ENOX1: variants seen among roughly 807,000 people sequenced by gnomAD.
The protein encoded by ENOX1 is candidate growth-related and time keeping constitutive hydroquinone (NADH) oxidase.
A neutral mutation model predicts 82.5 loss-of-function variants in ENOX1; 42 were observed. The ratio of observed to expected loss-of-function variants is 0.51; its 90% confidence interval spans 0.40 to 0.66. The LOEUF is 0.66. Ranked by LOEUF, ENOX1 falls within the 30% of genes least tolerant of loss-of-function variation. ENOX1 has a pLI of 0.00. For synonymous variants in ENOX1, 271 were observed against 282.2 expected (o/e 0.96, Z 0.40); for missense variants, 608 against 811.6 (o/e 0.75, Z 3.05).
chr13:43,450,222 C>A (rs575970452), intron 3 of ENOX1, among the ~76,000 whole-genome samples: 1 of 152,302 alleles, frequency 6.6e-6, no homozygotes, highest in East Asian at 1.9e-4. Context: ...TAGCCGTCCC[C>A]TGCCAGAAAA....
At chr13:43,239,400 C>T (rs192705557) in intron 14 of ENOX1, among the ~76,000 whole-genome samples, 15 of 152,266 alleles carry the variant, frequency 9.9e-5, no homozygotes, top group Non-Finnish European at 1.5e-5. Context: ...CTCTAGGAGG[C>T]AGAAGAACTA....
intron 3 of ENOX1, among the ~76,000 whole-genome samples, chr13:43,429,625 C>A (rs2055541220): frequency 6.6e-6 from 1 of 152,100 alleles, no homozygotes; most frequent in Non-Finnish European, 1.5e-5. Flanking sequence ...TGGCAGGGAT[C>A]TTTTGGATAT....
intron 1 of ENOX1, among the ~76,000 whole-genome samples, chr13:43,780,774 C>T (rs1242558808): frequency 6.6e-6 from 1 of 152,250 alleles, no homozygotes; most frequent in Non-Finnish European, 1.5e-5. Flanking sequence ...CTTACATCCA[C>T]AATGGCTTCT....
chr13:43,691,455 C>T (rs922885293), intron 1 of ENOX1, among the ~76,000 whole-genome samples: 1 of 152,048 alleles, frequency 6.6e-6, no homozygotes, highest in Admixed American at 6.6e-5. Flanking sequence ...TATAAACCCT[C>T]ACAACAATTA....
chr13:43,704,413 T>G (rs1026977953), intron 1 of ENOX1, among the ~76,000 whole-genome samples: 1 of 151,964 alleles, frequency 6.6e-6, no homozygotes, highest in African/African-American at 2.4e-5. Flanking sequence ...TAAAAACAAC[T>G]TTTTGAAGGC....
chr13:43,322,632 C>T lies in ENOX1; in HGVS notation c.1144-131G>A, dbSNP rs567893804. The T allele has an allele frequency of 2.9e-4, 215 of 744,642 alleles. No individual in the cohort carries two copies. The African/African-American group carries it at 3.1e-3, about 11-fold the overall frequency. The allele number at this position is 744,642 out of a possible 1,614,324, so 46.1% of individuals were successfully genotyped here. On this transcript the variant is annotated intron_variant, in intron 10 of 16. Coordinates refer to ENST00000690772, the MANE Select transcript of ENOX1 (RefSeq NM_001347969.2). ...TTTTATCTCCCAAATATAGCCTCAC[C>T]TAACCTAAAGGAGGTTCTGAGGGGT...
intron 1 of ENOX1, among the ~76,000 whole-genome samples, chr13:43,674,855 A>T (rs549065606): frequency 6.6e-6 from 1 of 152,262 alleles, no homozygotes; most frequent in East Asian, 1.9e-4. Flanking sequence ...TATATGGGAA[A>T]TCTCTGTACA....
intron 1 of ENOX1, among the ~76,000 whole-genome samples, chr13:43,759,805 A>C (rs1394380829): frequency 6.6e-6 from 1 of 152,142 alleles, no homozygotes; most frequent in Non-Finnish European, 1.5e-5. Context: ...GCCAGACTAC[A>C]GCATAATCAA....
rs143330953 is a variant in ENOX1 at position 43,363,334 on chromosome 13, T to C, written c.209-1882A>G. Among the ~76,000 whole-genome samples, 8 of 152,270 alleles carry C rather than the reference T, an allele frequency of 5.3e-5. No individual in the cohort carries two copies. The East Asian group carries it at 1.5e-3, about 29-fold the overall frequency. ...GTCTTTGCCTCAGTATTTAAACATG[T>C]ATTAAATGTGACTATTTCAAAGTTT... On this transcript the variant is annotated intron_variant, in intron 5 of 16. Coordinates refer to ENST00000690772, the MANE Select transcript of ENOX1 (RefSeq NM_001347969.2).
In ENOX1 at chr13:43,321,357, C is replaced by A. The variant is rs140710200; in HGVS notation, c.1261+1027G>T. ...AGAACCACACTTTTGAGAACCACTG[C>A]TTTAAAGAAATTAGAGCCCTTTCTC... On this transcript the variant is annotated intron_variant, in intron 11 of 16. Coordinates refer to ENST00000690772, the MANE Select transcript of ENOX1 (RefSeq NM_001347969.2). Among the ~76,000 whole-genome samples the A allele has an allele frequency of 6.0e-3, 913 of 152,312 alleles. 13 individuals are homozygous for A. The highest frequency in any genetic ancestry group is 0.02 in the African/African-American group (837 of 41,560).
At chr13:43,590,591 G>A (rs1034171358) in intron 2 of ENOX1, among the ~76,000 whole-genome samples, 2 of 141,514 alleles carry the variant, frequency 1.4e-5, no homozygotes, top group Admixed American at 7.3e-5. Flanking sequence ...TGGCTAACAT[G>A]GTGAAACCTT....
chr13:43,717,828 C>T (rs1401438045), intron 1 of ENOX1, among the ~76,000 whole-genome samples: 1 of 152,122 alleles, frequency 6.6e-6, no homozygotes, highest in Non-Finnish European at 1.5e-5. Context: ...ATCAAAACTA[C>T]AGTGAGATAC....
intron 2 of ENOX1, among the ~76,000 whole-genome samples, chr13:43,518,802 T>C (rs943010754): frequency 1.3e-5 from 2 of 152,178 alleles, no homozygotes; most frequent in African/African-American, 4.8e-5. Context: ...CTCAATTAGG[T>C]GCTTCAGATA....
intron 10 of ENOX1, among the ~76,000 whole-genome samples, chr13:43,323,568 A>ATAT (rs2047934633): frequency 6.6e-6 from 1 of 152,226 alleles, no homozygotes; most frequent in Non-Finnish European, 1.5e-5. Context: ...ATCAAGCTGT[A>ATAT]TATTACATAT....
At chr13:43,339,660 G>A (rs1035407367) in intron 9 of ENOX1, among the ~76,000 whole-genome samples, 4 of 152,176 alleles carry the variant, frequency 2.6e-5, no homozygotes, top group Admixed American at 6.5e-5. Flanking sequence ...CATGAAGGAC[G>A]GCATTGACAC....
At chr13:43,355,027 G>A (rs919349575) in intron 8 of ENOX1, among the ~76,000 whole-genome samples, 1 of 152,188 alleles carries the variant, frequency 6.6e-6, no homozygotes, top group Non-Finnish European at 1.5e-5. Context: ...ACAGTTAATT[G>A]TTTATCTGTA....
chr13:43,250,215 A>C (rs934007241), intron 14 of ENOX1, among the ~76,000 whole-genome samples: 2 of 152,212 alleles, frequency 1.3e-5, no homozygotes, highest in Admixed American at 6.5e-5. Context: ...CAGGGCCTTT[A>C]GTCCATGCTG....
chr13:43,517,889 G>A (rs1405039963), intron 2 of ENOX1, among the ~76,000 whole-genome samples: 1 of 152,082 alleles, frequency 6.6e-6, no homozygotes, highest in East Asian at 1.9e-4. Flanking sequence ...GAACAACAAA[G>A]TTGGCCTTAT....
chr13:43,258,549 G>A (rs2043879975), intron 14 of ENOX1, among the ~76,000 whole-genome samples: 1 of 152,164 alleles, frequency 6.6e-6, no homozygotes, highest in Admixed American at 6.5e-5. Context: ...CATTTAATAT[G>A]TGGACAGGGT....
Sources: allele counts gnomAD v4.1 joint callset (sites outside exome capture counted in the v4.1 genomes callset), GRCh38; gene constraint gnomAD v4.1.1; transcripts MANE v1.5; gene names NCBI Gene and HGNC (gene_info 2026-07-23, HGNC 2026-07-21).